Variants in SMIM13 observed in about 807,000 individuals in gnomAD.
SMIM13 encodes the protein small integral membrane protein 13.
A neutral mutation model predicts 5.9 loss-of-function variants in SMIM13; 3 were observed. The observed-to-expected ratio is 0.51, with a 90% confidence interval of 0.23 to 1.31. SMIM13 has a LOEUF of 1.31. Ranked by LOEUF, SMIM13 falls within the 40% of genes most tolerant of loss-of-function variation. SMIM13 has a pLI of 0.18. For missense variants in SMIM13, 85 were observed against 109.9 expected (o/e 0.77, Z 1.01); for synonymous variants, 55 against 46.0 (o/e 1.19, Z -0.79).
intron 1 of SMIM13, among the ~76,000 whole-genome samples, chr6:11,098,739 A>G (rs902617490): frequency 9.2e-5 from 14 of 152,140 alleles, no homozygotes; most frequent in South Asian, 2.1e-4. Context: ...GGTCCATTCA[A>G]CATTTCTTTG....
At chr6:11,104,211 G>A (rs56130507) in intron 1 of SMIM13, 305 of 1,551,632 alleles carry the variant, frequency 2.0e-4, no homozygotes, top group Non-Finnish European at 2.5e-4. Flanking sequence ...TCCGGTTCCC[G>A]TACCAGCTAG....
rs904679558 is a variant in SMIM13, at chr6:11,094,448, G to GT, written c.76+67dup. The GT allele has an allele frequency of 6.8e-4, 828 of 1,215,712 alleles. 3 individuals carry two copies. Among genetic ancestry groups the GT allele is most frequent in the East Asian group, 3.5e-3 (136 of 38,522 alleles). The allele number at this position is 1,215,712 out of a possible 1,614,324, so 75.3% of individuals were successfully genotyped here. ...CACGCCGGGTCGCTGATCTGCTGGG[G>GT]TTTTTTTTGTTGTTTGTTTTTTTGA... On this transcript the variant is annotated intron_variant, in intron 1 of 1. Transcript: ENST00000416247.
chr6:11,122,345 G>A (rs1758322648), intron 1 of SMIM13, among the ~76,000 whole-genome samples: 1 of 152,180 alleles, frequency 6.6e-6, no homozygotes, highest in African/African-American at 2.4e-5. Flanking sequence ...TAATAATTCT[G>A]AACTTGCCTT....
intron 1 of SMIM13, among the ~76,000 whole-genome samples, chr6:11,116,268 C>T (rs1176624687): frequency 6.6e-6 from 1 of 151,946 alleles, no homozygotes; most frequent in African/African-American, 2.4e-5. Context: ...ATCCGCCCAC[C>T]TCAGCTTCCC....
chr6:11,106,042 T>C (rs1758078392), intron 1 of SMIM13, among the ~76,000 whole-genome samples: 1 of 152,178 alleles, frequency 6.6e-6, no homozygotes, highest in African/African-American at 2.4e-5. Context: ...TATTTCCACT[T>C]TTCCTGAAGA....
chr6:11,106,086 C>T (rs891590036), intron 1 of SMIM13, among the ~76,000 whole-genome samples: 2 of 152,138 alleles, frequency 1.3e-5, no homozygotes, highest in African/African-American at 4.8e-5. Flanking sequence ...GCTTTATGTC[C>T]AGGGCACTAC....
At chr6:11,123,190 T>G (rs1758332988) in intron 1 of SMIM13, among the ~76,000 whole-genome samples, 1 of 152,102 alleles carries the variant, frequency 6.6e-6, no homozygotes, top group Non-Finnish European at 1.5e-5. Flanking sequence ...TTTAGAAAGC[T>G]GGGGGGAGGA....
intron 1 of SMIM13, among the ~76,000 whole-genome samples, chr6:11,117,157 A>ATTTTT (rs1341431576): frequency 1.7e-5 from 2 of 116,896 alleles, no homozygotes; most frequent in African/African-American, 3.4e-5. Flanking sequence ...CGCCCGGCTA[A>ATTTTT]TTTTTGTATT....
At chr6:11,120,528 C>G (rs1758296459) in intron 1 of SMIM13, among the ~76,000 whole-genome samples, 1 of 152,136 alleles carries the variant, frequency 6.6e-6, no homozygotes, top group South Asian at 2.1e-4. Flanking sequence ...TAATCACCTC[C>G]CAGAGGCTCC....
intron 1 of SMIM13, chr6:11,104,112 G>A (rs1038244323): frequency 3.4e-5 from 53 of 1,551,590 alleles, no homozygotes; most frequent in African/African-American, 8.2e-5. Flanking sequence ...TTGCATGGTC[G>A]TTAAGGCTTT....
chr6:11,131,937 C>A (rs752794092), intron 1 of SMIM13, among the ~76,000 whole-genome samples: 13 of 152,036 alleles, frequency 8.6e-5, no homozygotes, highest in Non-Finnish European at 1.6e-4. Flanking sequence ...TCCTTAAAAT[C>A]AAAAACTTAG....
chr6:11,098,948 T>C (rs1757958986), intron 1 of SMIM13, among the ~76,000 whole-genome samples: 1 of 152,254 alleles, frequency 6.6e-6, no homozygotes, highest in African/African-American at 2.4e-5. Context: ...CATCGATCTC[T>C]GAAATAAAAT....
At chr6:11,114,592 CTTT>C (rs58585640) in intron 1 of SMIM13, among the ~76,000 whole-genome samples, 2 of 21,822 alleles carry the variant, frequency 9.2e-5, no homozygotes, top group African/African-American at 2.1e-4. Context: ...CACTTTTTCT[CTTT>C]TTTTTTTTTT....
rs1758049296 is a variant in SMIM13, at chr6:11,104,320, C to T, written c.76+9931C>T. ...ATTGGTATTGGAAGAGAGAGATTGC[C>T]AGGGGCTATGAAGATGTCTGGGGTT... On this transcript the variant is annotated intron_variant, in intron 1 of 1. Transcript: ENST00000416247. 2.6e-6 allele frequency: 4 copies of T among 1,551,554 alleles called. No homozygotes were observed. In the African/African-American group the frequency reaches 4.1e-5, roughly 16 times the overall value.
At chr6:11,094,476 A>G in intron 1 of SMIM13, 87 bp downstream of exon 1, 1 of 1,100,222 alleles carries the variant, frequency 9.1e-7, no homozygotes, top group Non-Finnish European at 1.3e-6. Context: ...TTTTTTGAAA[A>G]AAACAAAAGG....
chr6:11,115,564 A>G (rs997827520), intron 1 of SMIM13, among the ~76,000 whole-genome samples: 2 of 152,206 alleles, frequency 1.3e-5, no homozygotes, highest in Non-Finnish European at 2.9e-5. Context: ...CTAAAAATCA[A>G]CTGATTGAGA....
intron 1 of SMIM13, among the ~76,000 whole-genome samples, chr6:11,099,235 C>T (rs1028353058): frequency 1.9e-4 from 29 of 151,936 alleles, no homozygotes; most frequent in African/African-American, 6.8e-4. Flanking sequence ...AGTACATTGG[C>T]GCGATCTCGG....
intron 1 of SMIM13, among the ~76,000 whole-genome samples, chr6:11,117,046 A>G (rs1364515648): frequency 8.5e-6 from 1 of 117,658 alleles, no homozygotes; most frequent in Non-Finnish European, 1.6e-5. Flanking sequence ...GCTGGAGTGC[A>G]GTGGCGCGAT....
Position 11,132,462 on chromosome 6 carries a change from T to C in SMIM13, c.77-1941T>C, listed in dbSNP as rs80202872. On this transcript the variant is annotated intron_variant, in intron 1 of 1. Coordinates refer to ENST00000416247, the MANE Select transcript of SMIM13 (RefSeq NM_001135575.2). Reference sequence around the variant, plus strand: ...CCATGGAGAAACTTGTACACAAATATTCATTGCAGTCAAAAAGTGGCAACT... The same window carrying C: ...CCATGGAGAAACTTGTACACAAATACTCATTGCAGTCAAAAAGTGGCAACT... Among the ~76,000 whole-genome samples, 821 of 152,306 alleles carry C rather than the reference T, an allele frequency of 5.4e-3. 44 individuals are homozygous for C. The East Asian group carries it at 0.13, about 24-fold the overall frequency.
Sources: allele counts gnomAD v4.1 joint callset (sites outside exome capture counted in the v4.1 genomes callset), GRCh38; gene constraint gnomAD v4.1.1; transcripts MANE v1.5; gene names NCBI Gene and HGNC (gene_info 2026-07-23, HGNC 2026-07-21).